Variants in SRRM4 observed in about 807,000 individuals in gnomAD.
SRRM4 encodes serine/arginine repetitive matrix protein 4.
A neutral mutation model predicts 68.9 loss-of-function variants in SRRM4; 33 were observed. That is an observed-to-expected ratio of 0.48 (90% CI 0.36 to 0.64). The LOEUF is 0.64. Among genes scored for constraint, SRRM4 ranks in the 30% least tolerant of loss-of-function variants. The probability of loss-of-function intolerance (pLI) is 0.00; values close to 1 mark genes in which losing one functional copy is unlikely to be tolerated. For synonymous variants in SRRM4, 318 were observed against 318.8 expected (o/e 1.00, Z 0.03); for missense variants, 817 against 827.1 (o/e 0.99, Z 0.15).
chr12:118,982,144 C>G, intron 1 of SRRM4, 131 bp downstream of exon 1: 1 of 1,148,794 alleles, frequency 8.7e-7, no homozygotes, highest in Non-Finnish European at 1.2e-6. Context: ...CTCGGCGGCT[C>G]CCGCTGAAAC....
chr12:119,092,782 A>T (rs532982006), intron 1 of SRRM4, among the ~76,000 whole-genome samples: 2 of 152,098 alleles, frequency 1.3e-5, no homozygotes, highest in South Asian at 4.2e-4. Flanking sequence ...AAGTCAGAAC[A>T]TATCTATCCA....
chr12:119,017,069 G>A (rs141170399), intron 1 of SRRM4, among the ~76,000 whole-genome samples: 106 of 152,274 alleles, frequency 7.0e-4, no homozygotes, highest in African/African-American at 2.2e-3. Flanking sequence ...TTTAATATCC[G>A]CATGGATTAT....
At chr12:119,148,989 G>A (rs1565919688) in intron 9 of SRRM4, among the ~76,000 whole-genome samples, 1 of 152,164 alleles carries the variant, frequency 6.6e-6, no homozygotes. Context: ...ATCAAGGTTT[G>A]GGGCTCTGGG....
In SRRM4 at chr12:119,025,118, G is replaced by GGTGT. The variant is rs142897045; in HGVS notation, c.131+43118_131+43121dup. ...CGTAACCCTGGTGGGTGTGCATTAG[G>GGTGT]GTGTGTGTGTGTGTGTATTTGTGTG... On this transcript the variant is annotated intron_variant, in intron 1 of 12. Coordinates refer to ENST00000267260, the MANE Select transcript of SRRM4 (RefSeq NM_194286.4). Among the ~76,000 whole-genome samples the GGTGT allele has an allele frequency of 4.0e-5, 6 of 151,626 alleles. No homozygotes were observed. In the East Asian group the frequency reaches 5.8e-4, roughly 15 times the overall value.
chr12:119,062,724 T>C (rs533241372), intron 1 of SRRM4, among the ~76,000 whole-genome samples: 4 of 152,324 alleles, frequency 2.6e-5, no homozygotes, highest in East Asian at 1.9e-4. Context: ...GAATTTTTCA[T>C]CTACATTATA....
chr12:119,059,164 C>T (rs940223279), intron 1 of SRRM4, among the ~76,000 whole-genome samples: 1 of 152,146 alleles, frequency 6.6e-6, no homozygotes, highest in Admixed American at 6.5e-5. Context: ...ATTGATTCTA[C>T]CAATTAAACA....
At chr12:119,048,434 G>A (rs1214628743) in intron 1 of SRRM4, among the ~76,000 whole-genome samples, 1 of 152,184 alleles carries the variant, frequency 6.6e-6, no homozygotes, top group East Asian at 1.9e-4. Context: ...GAATAAACAT[G>A]AATTGTGAGC....
At chr12:119,128,487 C>T (rs976019321) in intron 7 of SRRM4, among the ~76,000 whole-genome samples, 2 of 152,154 alleles carry the variant, frequency 1.3e-5, no homozygotes, top group Admixed American at 1.3e-4. Flanking sequence ...TTTTTAACAC[C>T]CCCTTACAGA....
chr12:119,111,008 G>T (rs947530157), intron 2 of SRRM4, among the ~76,000 whole-genome samples: 3 of 152,166 alleles, frequency 2.0e-5, no homozygotes, highest in African/African-American at 7.2e-5. Flanking sequence ...GTACCTAACT[G>T]CTGAGCACTT....
chr12:119,102,791 G>T (rs537665588), intron 2 of SRRM4, among the ~76,000 whole-genome samples: 15 of 152,274 alleles, frequency 9.9e-5, no homozygotes, highest in Admixed American at 7.8e-4. Flanking sequence ...GCCCAGACCT[G>T]TCTCAGGAGT....
At chr12:119,089,369 A>G (rs1954000039) in intron 1 of SRRM4, among the ~76,000 whole-genome samples, 1 of 152,218 alleles carries the variant, frequency 6.6e-6, no homozygotes. Context: ...AAGGCAGATA[A>G]AAGTCCCAAC....
intron 1 of SRRM4, among the ~76,000 whole-genome samples, chr12:119,095,935 G>A (rs530227315): frequency 2.1e-5 from 3 of 142,774 alleles, no homozygotes; most frequent in Non-Finnish European, 4.5e-5. Context: ...ACTCCAGCCT[G>A]GGCGATAGAT....
intron 8 of SRRM4, among the ~76,000 whole-genome samples, chr12:119,131,317 T>A (rs866297358): frequency 6.6e-6 from 1 of 152,202 alleles, no homozygotes; most frequent in Non-Finnish European, 1.5e-5. Context: ...TGAATTTATA[T>A]GAGAATTTTC....
chr12:119,073,023 G>T (rs1362005005), intron 1 of SRRM4, among the ~76,000 whole-genome samples: 1 of 151,910 alleles, frequency 6.6e-6, no homozygotes, highest in Non-Finnish European at 1.5e-5. Flanking sequence ...ACAGCTAACA[G>T]CCAAGTTGTC....
chr12:118,982,053 C>T (rs756055903), intron 1 of SRRM4, 40 bp downstream of exon 1: 3 of 1,579,014 alleles, frequency 1.9e-6, no homozygotes, highest in East Asian at 2.3e-5. Context: ...CCTGAAGGTC[C>T]TCCTTTCTGG....
Position 119,154,271 on chromosome 12 carries a change from G to A in SRRM4, c.1420G>A (p.Asp474Asn), listed in dbSNP as rs1954458581. The change falls in exon 12 of 13, where the codon GAC becomes AAC. Residue 474 changes from aspartate (D) to asparagine (N), a missense_variant. Asp to Asn is a conservative substitution (Grantham distance 23, BLOSUM62 1). Coordinates refer to ENST00000267260, the MANE Select transcript of SRRM4 (RefSeq NM_194286.4). This position sits in a 1 kb window ranked among gnomAD's most constrained non-coding sequence, Gnocchi z 4.7. ...RERDPKYSEK[D>N]SQQRERERAR... ...GCGGGATCCCAAATACAGTGAGAAG[G>A]ACTCGCAGCAGCGGGAGCGCGAGCG... is the stretch of plus-strand genomic sequence containing the variant. 6.2e-7 allele frequency: 1 copy of A among 1,609,406 alleles called. No individual in the cohort carries two copies. The highest frequency in any genetic ancestry group is 8.5e-7 in the Non-Finnish European group (1 of 1,177,996).
chr12:119,145,373 G>T lies in SRRM4; in HGVS notation c.772-8G>T. 1 of 1,597,148 alleles carries T rather than the reference G, an allele frequency of 6.3e-7. No homozygotes were observed. The highest frequency in any genetic ancestry group is 8.5e-7 in the Non-Finnish European group (1 of 1,171,614). The stretch of plus-strand genomic sequence containing the variant: ...TCAGCAGTGTCCAACGGGTCTTTTT[G>T]CTTTCAGATCACTGGGTCGGGGTCT... On this transcript the variant is annotated splice_region_variant and splice_polypyrimidine_tract_variant and intron_variant, in intron 8 of 12. Coordinates refer to ENST00000267260, the MANE Select transcript of SRRM4 (RefSeq NM_194286.4).
chr12:118,986,623 C>T (rs1450577687), intron 1 of SRRM4, among the ~76,000 whole-genome samples: 1 of 152,166 alleles, frequency 6.6e-6, no homozygotes, highest in Non-Finnish European at 1.5e-5. Flanking sequence ...ATAGACTTGA[C>T]TCTCCCTGGT....
intron 9 of SRRM4, among the ~76,000 whole-genome samples, chr12:119,148,055 G>C (rs183303861): frequency 6.6e-6 from 1 of 152,186 alleles, no homozygotes; most frequent in Non-Finnish European, 1.5e-5. Flanking sequence ...CACAGTTGCG[G>C]GATGGGTGGA....
Sources: gnomAD v4.1 joint callset for allele counts (sites outside exome capture counted in the v4.1 genomes callset) on GRCh38, gnomAD v4.1.1 for gene constraint, Gnocchi (gnomAD v3.1) non-coding constraint, MANE v1.5 for transcripts, NCBI Gene and HGNC (gene_info 2026-07-23, HGNC 2026-07-21) for gene names.